The following SNX29 variants were observed in gnomAD, a reference collection of about 807,000 sequenced individuals.
The protein encoded by SNX29 is sorting nexin 29, also known as sorting nexin-29.
SNX29 carries 78 observed loss-of-function variants against 102.1 expected under a neutral mutation model. The ratio of observed to expected loss-of-function variants is 0.76; its 90% CI spans 0.64 to 0.92. The LOEUF is 0.92. SNX29 is among the 40% of genes least tolerant of loss of function. SNX29 has a pLI of 0.00. For missense variants in SNX29, 1,280 were observed against 1,061.7 expected (o/e 1.21, Z -2.86); for synonymous variants, 580 against 414.5 (o/e 1.40, Z -4.85).
At chr16:12,114,775 G>C (rs1008205839) in intron 11 of SNX29, among the ~76,000 whole-genome samples, 2 of 152,016 alleles carry the variant, frequency 1.3e-5, no homozygotes, top group Non-Finnish European at 2.9e-5. Flanking sequence ...TTTTAGTAGA[G>C]ACGGGGTTTC....
chr16:12,316,290 G>C (rs1567430420), intron 15 of SNX29, among the ~76,000 whole-genome samples: 1 of 152,198 alleles, frequency 6.6e-6, no homozygotes, highest in South Asian at 2.1e-4. Context: ...TGGGAGGCCA[G>C]GGTGGGTGGA....
chr16:12,477,780 G>C lies in SNX29; in HGVS notation c.2099G>C (p.Ser700Thr). ...NIYRRYTEFRSLHHKLQNKYP... is the reference protein window; with the variant it reads ...NIYRRYTEFRTLHHKLQNKYP... ...TATCGCCGGTATACAGAGTTCAGGAGTTTGCACCACAAGTTACAAAACAAG... is the reference window on the plus strand; with the variant it reads ...TATCGCCGGTATACAGAGTTCAGGACTTTGCACCACAAGTTACAAAACAAG... The change falls in exon 19 of 21, where the codon AGT (serine) becomes ACT (threonine). Residue 700 changes from serine to threonine, a missense_variant. By Grantham distance (58) the Ser-to-Thr change is moderately conservative (BLOSUM62 1). Coordinates refer to ENST00000566228, the MANE Select transcript of SNX29 (RefSeq NM_032167.5). 1 of 1,613,492 alleles carries C rather than the reference G, an allele frequency of 6.2e-7. No individual in the cohort carries two copies. The highest frequency in any genetic ancestry group is 8.5e-7 in the Non-Finnish European group (1 of 1,179,734).
intron 18 of SNX29, among the ~76,000 whole-genome samples, chr16:12,431,187 G>C (rs2085298343): frequency 6.6e-6 from 1 of 152,052 alleles, no homozygotes; most frequent in Admixed American, 6.6e-5. Flanking sequence ...GGAGTGAGTG[G>C]GGTGGGGGCC....
chr16:12,396,724 C>G (rs1207832061), intron 16 of SNX29, among the ~76,000 whole-genome samples: 2 of 152,128 alleles, frequency 1.3e-5, no homozygotes, highest in Non-Finnish European at 2.9e-5. Flanking sequence ...ATCTCTGACA[C>G]CTTGCTTTCT....
At chr16:12,009,034 G>A (rs902328493) in intron 3 of SNX29, among the ~76,000 whole-genome samples, 3 of 152,052 alleles carry the variant, frequency 2.0e-5, no homozygotes, top group Non-Finnish European at 4.4e-5. Flanking sequence ...GAGCCACTGC[G>A]CCCGGCCTAT....
chr16:12,493,230 C>A lies in SNX29; in HGVS notation c.2178+15371C>A, dbSNP rs551685865. 1.5e-3 allele frequency among the ~76,000 whole-genome samples: 221 copies of A among 152,224 alleles called. 1 individual carries two copies. The highest frequency in any genetic ancestry group is 1.8e-3 in the Non-Finnish European group (122 of 68,018). On this transcript the variant is annotated intron_variant, in intron 19 of 20. Transcript: ENST00000566228. ...TTTCCTTGAGCAGTGGTTTGTAGTT[C>A]TCCTTGAAGAGGTCCTTCACATCCC...
chr16:12,215,583 C>A (rs1373473385), intron 14 of SNX29, among the ~76,000 whole-genome samples: 1 of 152,060 alleles, frequency 6.6e-6, no homozygotes, highest in Non-Finnish European at 1.5e-5. Context: ...CTTTTTAGTT[C>A]AAGATTTCTG....
At chr16:12,509,540 C>G (rs572205365) in intron 19 of SNX29, among the ~76,000 whole-genome samples, 23 of 152,312 alleles carry the variant, frequency 1.5e-4, no homozygotes, top group African/African-American at 5.5e-4. Flanking sequence ...CTTTGGGTCC[C>G]ATGGAGGGGT....
chr16:12,054,037 G>T (rs1036826779), intron 8 of SNX29, among the ~76,000 whole-genome samples: 1 of 150,690 alleles, frequency 6.6e-6, no homozygotes. Flanking sequence ...GCGTGATCTC[G>T]GCTCACTGCA....
chr16:12,570,041 A>T lies in SNX29; in HGVS notation c.*1412A>T. The stretch of plus-strand genomic sequence containing the variant: ...CCCAGGTGAGCATGGAGCATCTCCT[A>T]GGCTCGAGGACATCTCTGGAGAATC... On this transcript the variant is annotated 3_prime_UTR_variant, in exon 21 of 21. Transcript: ENST00000566228. 2.2e-6 allele frequency: 1 copy of T among 451,270 alleles called. No individual in the cohort carries two copies. The highest frequency in any genetic ancestry group is 3.1e-6 in the Non-Finnish European group (1 of 318,150). The allele number at this position is 451,270 out of a possible 1,614,324, so 28.0% of individuals were successfully genotyped here.
chr16:12,027,479 T>A, intron 4 of SNX29, 35 bp downstream of exon 4: 1 of 1,610,958 alleles, frequency 6.2e-7, no homozygotes, highest in Non-Finnish European at 8.5e-7. Flanking sequence ...TGGAGGAGCT[T>A]GTCTTCCTTC....
intron 11 of SNX29, among the ~76,000 whole-genome samples, chr16:12,083,388 A>G (rs2052007356): frequency 6.6e-6 from 1 of 151,282 alleles, no homozygotes; most frequent in Admixed American, 6.6e-5. Context: ...AGCAGGGTTG[A>G]TTTCTGGTAA....
chr16:12,339,872 C>A (rs1383074795), intron 15 of SNX29, among the ~76,000 whole-genome samples: 1 of 152,178 alleles, frequency 6.6e-6, no homozygotes, highest in Non-Finnish European at 1.5e-5. Context: ...TTGGCAGGGC[C>A]AGGGCACGTG....
At position 12,572,814 on chromosome 16, in the gene SNX29, G is replaced by A. The variant is rs1279600853; in HGVS notation, c.*4185G>A. 2.8e-6 allele frequency: 3 copies of A among 1,063,852 alleles called. No individual in the cohort carries two copies. Among genetic ancestry groups the A allele is most frequent in the African/African-American group, 3.3e-5 (2 of 60,996 alleles). 65.9% of individuals were successfully genotyped at this position (1,063,852 alleles called of 1,614,324 possible). On this transcript the variant is annotated 3_prime_UTR_variant, in exon 21 of 21. Transcript: ENST00000566228. ...CTTCCCCAGTACATCAGACTGGTTAGGAGGCATCCCAGAAGGGGCAGCCTC... is the reference window on the plus strand; with the variant it reads ...CTTCCCCAGTACATCAGACTGGTTAAGAGGCATCCCAGAAGGGGCAGCCTC...
intron 19 of SNX29, among the ~76,000 whole-genome samples, chr16:12,513,002 C>T (rs1046412675): frequency 6.6e-6 from 1 of 152,116 alleles, no homozygotes; most frequent in African/African-American, 2.4e-5. Context: ...CCCCAGAGGG[C>T]AGTGGCCCTG....
chr16:12,177,893 T>G (rs2076296150), intron 13 of SNX29, among the ~76,000 whole-genome samples: 1 of 152,144 alleles, frequency 6.6e-6, no homozygotes, highest in Non-Finnish European at 1.5e-5. Context: ...GAGCTTAGGT[T>G]CTTGTTGGGA....
intron 11 of SNX29, among the ~76,000 whole-genome samples, chr16:12,112,179 C>T (rs1006728775): frequency 3.3e-5 from 5 of 152,106 alleles, no homozygotes; most frequent in African/African-American, 9.7e-5. Flanking sequence ...AAGACAGGGT[C>T]GGGGTGGAGG....
chr16:12,137,193 G>A (rs1051482673), intron 13 of SNX29, among the ~76,000 whole-genome samples: 1 of 152,314 alleles, frequency 6.6e-6, no homozygotes. Context: ...ATCAGCTGAG[G>A]CTCCTAAGCA....
At chr16:12,513,800 A>G (rs533614381) in intron 19 of SNX29, among the ~76,000 whole-genome samples, 1 of 152,360 alleles carries the variant, frequency 6.6e-6, no homozygotes, top group East Asian at 1.9e-4. Flanking sequence ...AGCAGCTGAT[A>G]AAAGGAGCTC....
Sources: allele counts gnomAD v4.1 joint callset (sites outside exome capture counted in the v4.1 genomes callset), GRCh38; gene constraint gnomAD v4.1.1; transcripts MANE v1.5; gene names NCBI Gene and HGNC (gene_info 2026-07-23, HGNC 2026-07-21).